CD99L2: variants seen among roughly 807,000 people sequenced by gnomAD.
The protein encoded by CD99L2 is CD99 molecule like 2, also known as CD99 antigen-like protein 2.
Under a neutral mutation model 27.3 loss-of-function variants are expected in CD99L2, and 24 were observed. That is an observed-to-expected ratio of 0.88 (90% CI 0.64 to 1.24). The LOEUF is 1.24. Ranked by LOEUF, CD99L2 falls within the 50% of genes most tolerant of loss-of-function variation. CD99L2 has a pLI of 0.00. For missense variants in CD99L2, 255 were observed against 221.6 expected (o/e 1.15, Z -0.96); for synonymous variants, 97 against 87.9 (o/e 1.10, Z -0.58).
At chrX:150,787,888 G>GTGTATATATATATA (rs1473718727) in intron 7 of CD99L2, among the ~76,000 whole-genome samples, 1 of 63,861 alleles carries the variant, frequency 1.6e-5, no homozygotes, top group Non-Finnish European at 3.1e-5. Context: ...AGAACTTAAA[G>GTGTATATATATATA]TATATATATA....
At chrX:150,869,076 C>T (rs782719169) in intron 1 of CD99L2, among the ~76,000 whole-genome samples, 2 of 111,999 alleles carry the variant, frequency 1.8e-5, no homozygotes, top group East Asian at 2.8e-4. Flanking sequence ...GAGCTTGTCC[C>T]GATGATGGTC....
chrX:150,784,646 CAG>C (rs1557419504), intron 7 of CD99L2, among the ~76,000 whole-genome samples: 3 of 112,313 alleles, frequency 2.7e-5, no homozygotes, highest in Non-Finnish European at 1.9e-5. Flanking sequence ...TAATGTGGCC[CAG>C]AGGATCAGCA....
chrX:150,874,392 G>C (rs140945985), intron 1 of CD99L2, among the ~76,000 whole-genome samples: 1 of 111,729 alleles, frequency 9.0e-6, no homozygotes, highest in Non-Finnish European at 1.9e-5. Context: ...GGAATTGGGA[G>C]AGTGGGAACA....
chrX:150,842,996 C>T (rs1452865341), intron 1 of CD99L2, among the ~76,000 whole-genome samples: 3 of 112,199 alleles, frequency 2.7e-5, no homozygotes, highest in Non-Finnish European at 5.6e-5. Context: ...AACTCTGTCA[C>T]CAGTAGATAG....
chrX:150,811,421 A>G (rs1474265322), intron 4 of CD99L2, among the ~76,000 whole-genome samples: 1 of 111,756 alleles, frequency 8.9e-6, no homozygotes, highest in Non-Finnish European at 1.9e-5. Context: ...AATACAAAAA[A>G]CTTCCCCAAA....
In CD99L2 at chrX:150,862,886, G is replaced by GAAAGAAAAGAAAAGA. The variant is rs782333031; in HGVS notation, c.68-31608_68-31594dup. Among the ~76,000 whole-genome samples the GAAAGAAAAGAAAAGA allele has an allele frequency of 7.6e-3, 823 of 108,746 alleles. 4 individuals are homozygous for GAAAGAAAAGAAAAGA. The highest frequency in any genetic ancestry group is 0.024 in the Middle Eastern group (5 of 210). 94.4% of individuals were successfully genotyped at this position (108,746 alleles called of 115,157 possible). ...AGAGAAAGAAAGAAAGAAAAAGAAAGAAAGAAAAGAAAAGAAAAAGAAATC... is the reference window on the plus strand; with the variant it reads ...AGAGAAAGAAAGAAAGAAAAAGAAAGAAAGAAAAGAAAAGAAAAGAAAAGAAAAGAAAAAGAAATC... On this transcript the variant is annotated intron_variant, in intron 1 of 10. Transcript: ENST00000370377.
chrX:150,785,963 T>G lies in CD99L2; in HGVS notation c.496+7728A>C, dbSNP rs1557419548. On this transcript the variant is annotated intron_variant, in intron 7 of 10. Transcript: ENST00000370377. Reference sequence around the variant, plus strand: ...AGCATTCTTTTATAAGTCTTTTGTTTTGTTGTTGGAAGCGGGCAGAACATA... The same window carrying G: ...AGCATTCTTTTATAAGTCTTTTGTTGTGTTGTTGGAAGCGGGCAGAACATA... Among the ~76,000 whole-genome samples the G allele has an allele frequency of 2.7e-5, 3 of 111,563 alleles. No homozygotes were observed. The East Asian group carries it at 8.4e-4, about 31-fold the overall frequency.
chrX:150,819,903 A>C (rs1199506886), intron 2 of CD99L2, among the ~76,000 whole-genome samples: 1 of 111,725 alleles, frequency 9.0e-6, no homozygotes, highest in Non-Finnish European at 1.9e-5. Context: ...TTAATTGCTG[A>C]ATTCTACCAA....
rs781975495 is a variant in CD99L2, at chrX:150,824,361, G to GGAAGAAGAA, written c.130+6861_130+6869dup. On this transcript the variant is annotated intron_variant, in intron 2 of 10. Transcript: ENST00000370377. ...AGAAGAAAGAAGGAAGAAGGAAGAA[G>GGAAGAAGAA]GAAGAAGAAGAAGAAGAAGAAAGAA... Among the ~76,000 whole-genome samples the GGAAGAAGAA allele has an allele frequency of 5.4e-4, 44 of 81,202 alleles. 1 individual carries two copies. Among genetic ancestry groups the GGAAGAAGAA allele is most frequent in the African/African-American group, 2.2e-3 (44 of 20,140 alleles). The allele number at this position is 81,202 out of a possible 115,157, so 70.5% of individuals were successfully genotyped here.
chrX:150,805,703 T>C (rs1406037094), intron 4 of CD99L2, among the ~76,000 whole-genome samples: 1 of 111,507 alleles, frequency 9.0e-6, no homozygotes, highest in Non-Finnish European at 1.9e-5. Flanking sequence ...TGAAATACTG[T>C]TCAGTGAGGA....
chrX:150,866,570 T>TA (rs112705100), intron 1 of CD99L2, among the ~76,000 whole-genome samples: 14 of 106,191 alleles, frequency 1.3e-4, no homozygotes, highest in East Asian at 8.8e-4. Context: ...CTGTCTCTAT[T>TA]AAAAAAAAAA....
intron 1 of CD99L2, among the ~76,000 whole-genome samples, chrX:150,877,134 A>G (rs781872012): frequency 1.7e-4 from 19 of 109,802 alleles, no homozygotes; most frequent in South Asian, 7.6e-4. Context: ...AAAAAAAAAA[A>G]AAAGAAAGAA....
At chrX:150,813,631 G>A (rs782427662) in intron 4 of CD99L2, among the ~76,000 whole-genome samples, 14 of 111,650 alleles carry the variant, frequency 1.3e-4, no homozygotes, top group East Asian at 8.4e-4. Context: ...ATGAGAGCAC[G>A]ACCTTTTAAT....
At chrX:150,898,066 C>A (rs915250364) in intron 1 of CD99L2, among the ~76,000 whole-genome samples, 2 of 55,931 alleles carry the variant, frequency 3.6e-5, no homozygotes, top group African/African-American at 5.0e-5. Flanking sequence ...CCCCCCCCCC[C>A]CCCCCCACAG....
chrX:150,787,184 T>C (rs2045607802), intron 7 of CD99L2, among the ~76,000 whole-genome samples: 1 of 112,325 alleles, frequency 8.9e-6, no homozygotes, highest in Admixed American at 9.4e-5. Context: ...ACTCTGTTGA[T>C]AGTTTCTTTT....
intron 4 of CD99L2, among the ~76,000 whole-genome samples, chrX:150,800,326 G>A (rs2045883777): frequency 9.0e-6 from 1 of 111,385 alleles, no homozygotes; most frequent in African/African-American, 3.3e-5. Flanking sequence ...ATAACATTGT[G>A]AATACCGATG....
rs781874998 is a variant in CD99L2, at chrX:150,834,251, T to C, written c.68-2958A>G. Among the ~76,000 whole-genome samples, 9 of 112,008 alleles carry C rather than the reference T, an allele frequency of 8.0e-5. No individual in the cohort carries two copies. The South Asian group carries it at 3.4e-3, about 42-fold the overall frequency. ...GCTCATGCTTGTAATCCCAGCACTT[T>C]GGGAGGCCAAGGCAGGCAGTTCACG... On this transcript the variant is annotated intron_variant, in intron 1 of 10. Coordinates refer to ENST00000370377, the MANE Select transcript of CD99L2 (RefSeq NM_031462.4).
At chrX:150,852,539 A>G (rs1420091851) in intron 1 of CD99L2, among the ~76,000 whole-genome samples, 1 of 110,313 alleles carries the variant, frequency 9.1e-6, no homozygotes, top group African/African-American at 3.3e-5. Context: ...AATGTTGTGT[A>G]ACCATCACCT....
At chrX:150,842,735 T>A (rs1019219900) in intron 1 of CD99L2, among the ~76,000 whole-genome samples, 2 of 112,325 alleles carry the variant, frequency 1.8e-5, no homozygotes, top group Non-Finnish European at 3.8e-5. Context: ...ATAATTTTTT[T>A]AAATTCTGCT....
Sources: allele counts gnomAD v4.1 joint callset (sites outside exome capture counted in the v4.1 genomes callset), GRCh38; gene constraint gnomAD v4.1.1; transcripts MANE v1.5; gene names NCBI Gene and HGNC (gene_info 2026-07-23, HGNC 2026-07-21).